N4BP1: variants seen among roughly 807,000 people sequenced by gnomAD.
N4BP1 encodes the protein NEDD4 binding protein 1.
N4BP1 carries 21 observed loss-of-function variants against 70.9 expected under a neutral mutation model. The observed-to-expected ratio is 0.30, with a 90% CI of 0.21 to 0.43. The LOEUF (loss-of-function observed/expected upper bound fraction) is 0.43. N4BP1 is among the 20% of genes least tolerant of loss of function. The pLI, the probability that N4BP1 is intolerant of heterozygous loss-of-function variation, is 1.00. For missense variants in N4BP1, 936 were observed against 1,069.4 expected, an observed-to-expected ratio of 0.88 and a Z score of 1.74; for synonymous variants, 387 against 394.6, an observed-to-expected ratio of 0.98 and a Z score of 0.23.
chr16:48,544,701 T>C (rs1233188365), intron 6 of N4BP1, among the ~76,000 whole-genome samples: 1 of 152,170 alleles, frequency 6.6e-6, no homozygotes. Context: ...TTCAGATAAA[T>C]ATTGAATACT....
rs755083601 is a variant in N4BP1 at position 48,561,542 on chromosome 16, G to A, written c.1101C>T (p.Val367=). Reference sequence around the variant, plus strand: ...CAGTAGATGGTCCATACACCTTAATGACCTTTTCAACAATTTCTTGGGAGT... The same window carrying A: ...CAGTAGATGGTCCATACACCTTAATAACCTTTTCAACAATTTCTTGGGAGT... ...MGYSQEIVEK[V]IKVYGPSTEP... is the part of the protein sequence containing the mutation. Residue 367 remains valine (V), a synonymous_variant, in exon 2 of 7, where the codon GTC becomes GTT. Coordinates refer to ENST00000262384, the MANE Select transcript of N4BP1 (RefSeq NM_153029.4). The A allele has an allele frequency of 8.7e-6, 14 of 1,613,664 alleles. No individual in the cohort carries two copies. The highest frequency in any genetic ancestry group is 1.6e-4 in the Middle Eastern group (1 of 6,084).
chr16:48,549,324 G>C (rs1963632650), intron 4 of N4BP1, among the ~76,000 whole-genome samples: 1 of 152,218 alleles, frequency 6.6e-6, no homozygotes, highest in Non-Finnish European at 1.5e-5. Context: ...TGAGTTGTAA[G>C]TGGTAATGTT....
chr16:48,561,988 C>A lies in N4BP1; in HGVS notation c.655G>T (p.Ala219Ser). ...CTAGAAATATTCAGCCCTGTGGCAG[C>A]ATTCTGTGTAAACTCTGTTTGTTGA... Reference protein sequence around the residue: ...DSQQTEFTQNAATGLNISRDE... With the variant: ...DSQQTEFTQNSATGLNISRDE... Residue 219 changes from alanine to serine, a missense_variant, in exon 2 of 7, where the codon GCT (alanine) becomes TCT (serine). Ala to Ser is a moderately conservative substitution (Grantham distance 99). This residue lies in a region of N4BP1 where 515 missense variants were observed against 491.7 expected (regional missense o/e 1.05). Coordinates refer to ENST00000262384, the MANE Select transcript of N4BP1 (RefSeq NM_153029.4). The A allele has an allele frequency of 6.2e-7, 1 of 1,613,912 alleles. No individual in the cohort carries two copies. Among genetic ancestry groups the A allele is most frequent in the Non-Finnish European group, 8.5e-7 (1 of 1,179,882 alleles).
intron 6 of N4BP1, among the ~76,000 whole-genome samples, chr16:48,545,218 G>C (rs1963571764): frequency 6.6e-6 from 1 of 151,574 alleles, no homozygotes; most frequent in African/African-American, 2.4e-5. Context: ...ACCTGCCTCG[G>C]CCTCACAAAG....
rs920819190 is a variant in N4BP1 at position 48,542,948 on chromosome 16, A to C, written c.2647T>G (p.Tyr883Asp). The change falls in exon 7 of 7, where the codon TAC becomes GAC. Residue 883 changes from tyrosine (Y) to aspartate (D), a missense_variant. By Grantham distance (160) the Tyr-to-Asp change is radical. This residue lies in a region of N4BP1 where 229 missense variants were observed against 343.5 expected (regional missense o/e 0.67). Coordinates refer to ENST00000262384, the MANE Select transcript of N4BP1 (RefSeq NM_153029.4). The part of the protein sequence containing the change: ...KIDQILVAHP[Y>D]MKDLNALSAM... ...GAAAGCGCATTTAGATCTTTCATGT[A>C]TGGGTGGGCCACCAAGATCTGGTCT... 1 of 1,613,454 alleles carries C rather than the reference A, an allele frequency of 6.2e-7. No individual in the cohort carries two copies. Among genetic ancestry groups the C allele is most frequent in the African/African-American group, 1.3e-5 (1 of 74,946 alleles).
chr16:48,563,750 A>C (rs1963896771), intron 1 of N4BP1, among the ~76,000 whole-genome samples: 1 of 152,254 alleles, frequency 6.6e-6, no homozygotes, highest in Non-Finnish European at 1.5e-5. Flanking sequence ...CAGATCTAAT[A>C]GAACAAGTGA....
At chr16:48,548,234 T>C (rs1963616843) in intron 4 of N4BP1, 120 bp from the exon 5 acceptor site, 2 of 662,690 alleles carry the variant, frequency 3.0e-6, no homozygotes, top group Non-Finnish European at 5.4e-6. Context: ...TAACCAAGGC[T>C]AGGCCACAGA....
intron 1 of N4BP1, among the ~76,000 whole-genome samples, chr16:48,582,014 C>T (rs1964181283): frequency 6.6e-6 from 1 of 152,044 alleles, no homozygotes; most frequent in African/African-American, 2.4e-5. Flanking sequence ...CAGAGATTAC[C>T]TACAGAATGA....
chr16:48,601,853 G>C (rs1174851414), intron 1 of N4BP1, among the ~76,000 whole-genome samples: 1 of 152,120 alleles, frequency 6.6e-6, no homozygotes, highest in East Asian at 1.9e-4. Flanking sequence ...TAGGACTACG[G>C]GGCACATGCC....
At chr16:48,546,040 A>AG in intron 6 of N4BP1, 107 bp downstream of exon 6, 5 of 693,120 alleles carry the variant, frequency 7.2e-6, no homozygotes, top group South Asian at 6.7e-5. Context: ...AAAAAAAAAA[A>AG]ATAATTTTTT....
Position 48,561,422 on chromosome 16 carries a change from G to A in N4BP1, c.1221C>T (p.Asn407=), listed in dbSNP as rs375248922. 8.1e-6 allele frequency: 13 copies of A among 1,613,740 alleles called. No homozygotes were observed. The Admixed American group carries it at 8.3e-5, about 10-fold the overall frequency. The stretch of plus-strand genomic sequence containing the variant: ...TATAAACACCTTTATTTTTGGTTTT[G>A]TTGGTCTCTGGATACACTGTACCAG... ...FSAGTVYPET[N]KTKNKGVYSS... is the part of the protein sequence containing the mutation. Residue 407 remains asparagine (N), a synonymous_variant, in exon 2 of 7, where the codon AAC becomes AAT. Transcript: ENST00000262384.
chr16:48,560,799 G>C lies in N4BP1; in HGVS notation c.1844C>G (p.Thr615Arg), dbSNP rs200353639. ...ATCTATAACAATGTGTTTCAAATCC[G>C]TTCTCCCTGGTTCATTTTTTAATTC... ...KLELKNEPGR[T>R]DLKHIVIDGS... Residue 615 changes from threonine to arginine, a missense_variant, in exon 2 of 7, where the codon ACG (threonine) becomes AGG (arginine). Around this residue, in one of 4 missense-constraint regions of N4BP1, gnomAD observed 515 missense variants for 491.7 expected, o/e 1.05. Transcript: ENST00000262384. The C allele has an allele frequency of 1.2e-6, 2 of 1,612,876 alleles. No individual in the cohort carries two copies. Among genetic ancestry groups the C allele is most frequent in the East Asian group, 2.2e-5 (1 of 44,882 alleles).
intron 1 of N4BP1, among the ~76,000 whole-genome samples, chr16:48,592,668 T>A (rs114143227): frequency 0.012 from 1,879 of 152,346 alleles, 42 homozygotes; most frequent in African/African-American, 0.043. Flanking sequence ...ACTTTCGTAA[T>A]CTTTTGGTAA....
chr16:48,546,451 T>C, intron 5 of N4BP1, 197 bp from the exon 6 acceptor site: 3 of 392,994 alleles, frequency 7.6e-6, no homozygotes, highest in Non-Finnish European at 9.0e-6. Flanking sequence ...ACAAAAACAA[T>C]AGTCAGAACG....
intron 1 of N4BP1, among the ~76,000 whole-genome samples, chr16:48,605,016 G>A (rs541942311): frequency 6.6e-6 from 1 of 151,728 alleles, no homozygotes; most frequent in Non-Finnish European, 1.5e-5. Flanking sequence ...GTGGTTCTTT[G>A]ATCTAAAAGA....
chr16:48,603,059 A>G (rs1447291389), intron 1 of N4BP1, among the ~76,000 whole-genome samples: 1 of 152,142 alleles, frequency 6.6e-6, no homozygotes, highest in Non-Finnish European at 1.5e-5. Context: ...AAAGGTAGTA[A>G]AACAGTACCT....
At chr16:48,607,488 T>C (rs910270469) in intron 1 of N4BP1, among the ~76,000 whole-genome samples, 4 of 152,240 alleles carry the variant, frequency 2.6e-5, no homozygotes, top group East Asian at 3.9e-4. Flanking sequence ...CAGGAGGCTC[T>C]AGTAGGTTCC....
At chr16:48,580,127 C>A (rs1264135099) in intron 1 of N4BP1, among the ~76,000 whole-genome samples, 1 of 151,594 alleles carries the variant, frequency 6.6e-6, no homozygotes, top group Non-Finnish European at 1.5e-5. Context: ...ATAAATGAAA[C>A]AGAGACTATA....
chr16:48,593,563 A>T (rs868860726), intron 1 of N4BP1, among the ~76,000 whole-genome samples: 1 of 152,242 alleles, frequency 6.6e-6, no homozygotes, highest in Admixed American at 6.5e-5. Flanking sequence ...TTTTCCATAA[A>T]TTGAACATTG....
Sources: gnomAD v4.1 joint callset for allele counts (sites outside exome capture counted in the v4.1 genomes callset) on GRCh38, gnomAD v4.1.1 for gene constraint, gnomAD v4.1.1 regional missense constraint, MANE v1.5 for transcripts, NCBI Gene and HGNC (gene_info 2026-07-23, HGNC 2026-07-21) for gene names.